STARD3NL: variants seen among roughly 807,000 people sequenced by gnomAD.
The protein encoded by STARD3NL is STARD3 N-terminal-like protein.
STARD3NL carries 17 observed loss-of-function variants against 30.9 expected under a neutral mutation model. The ratio of observed to expected loss-of-function variants is 0.55; its 90% CI spans 0.38 to 0.82. STARD3NL has a LOEUF of 0.82. Ranked by LOEUF, STARD3NL falls within the 40% of genes least tolerant of loss-of-function variation. STARD3NL has a pLI of 0.00. For synonymous variants in STARD3NL, 112 were observed against 100.5 expected (o/e 1.11, Z -0.69); for missense variants, 234 against 277.6 (o/e 0.84, Z 1.12).
chr7:38,228,608 T>C (rs1437011793), intron 7 of STARD3NL, among the ~76,000 whole-genome samples, 191 bp from the exon 8 acceptor site: 1 of 152,238 alleles, frequency 6.6e-6, no homozygotes, highest in Non-Finnish European at 1.5e-5. Flanking sequence ...TAGATTATTG[T>C]TTAAAGGTTT....
chr7:38,218,736 A>G (rs1735662407), intron 6 of STARD3NL, among the ~76,000 whole-genome samples: 1 of 152,228 alleles, frequency 6.6e-6, no homozygotes, highest in African/African-American at 2.4e-5. Flanking sequence ...AGTCAAAAGA[A>G]CTTAAGTGTT....
At chr7:38,216,946 C>T (rs1371393459) in intron 4 of STARD3NL, 79 bp from the exon 5 acceptor site, 47 of 1,542,734 alleles carry the variant, frequency 3.0e-5, no homozygotes, top group Non-Finnish European at 3.7e-5. Context: ...CTGGCTCAGA[C>T]GGGTCTCTTG....
In STARD3NL at chr7:38,189,203, G is replaced by A. The variant is rs1025715667; in HGVS notation, c.-59+10783G>A. Among the ~76,000 whole-genome samples, 13 of 152,126 alleles carry A rather than the reference G, an allele frequency of 8.5e-5. 1 individual carries two copies. In the East Asian group the frequency reaches 1.5e-3, roughly 18 times the overall value. ...GAAGATTTATTAAGATGGAATGAAAGCATTAATTACATCCCAAATGAATAT... is the reference window on the plus strand; with the variant it reads ...GAAGATTTATTAAGATGGAATGAAAACATTAATTACATCCCAAATGAATAT... On this transcript the variant is annotated intron_variant, in intron 1 of 8. Coordinates refer to ENST00000009041, the MANE Select transcript of STARD3NL (RefSeq NM_032016.4).
chr7:38,193,415 C>CA (rs1288507380), intron 1 of STARD3NL, among the ~76,000 whole-genome samples: 4 of 152,168 alleles, frequency 2.6e-5, no homozygotes, highest in African/African-American at 9.7e-5. Flanking sequence ...CCTCCTGCCT[C>CA]AGACTCCCGA....
intron 1 of STARD3NL, among the ~76,000 whole-genome samples, chr7:38,189,420 A>G (rs2115987663): frequency 6.6e-6 from 1 of 152,300 alleles, no homozygotes; most frequent in South Asian, 2.1e-4. Context: ...TAAATAACAC[A>G]TGGTGTGTCT....
At chr7:38,200,618 C>T (rs1366267606) in intron 1 of STARD3NL, among the ~76,000 whole-genome samples, 1 of 152,116 alleles carries the variant, frequency 6.6e-6, no homozygotes, top group Non-Finnish European at 1.5e-5. Context: ...TCCTACAGAG[C>T]ATAAATTAGC....
intron 1 of STARD3NL, among the ~76,000 whole-genome samples, chr7:38,189,884 G>A (rs979037188): frequency 3.3e-5 from 5 of 152,090 alleles, no homozygotes; most frequent in South Asian, 4.2e-4. Context: ...ACAAAGGTAC[G>A]TGTACAAAAT....
chr7:38,214,468 T>C (rs757519532), intron 3 of STARD3NL, 34 bp downstream of exon 3: 3 of 1,410,938 alleles, frequency 2.1e-6, no homozygotes, highest in Admixed American at 1.8e-5. Flanking sequence ...TCAGATGTGA[T>C]AAAACTGACC....
At chr7:38,221,189 A>G (rs1786441153) in intron 7 of STARD3NL, among the ~76,000 whole-genome samples, 1 of 152,198 alleles carries the variant, frequency 6.6e-6, no homozygotes, top group African/African-American at 2.4e-5. Context: ...GGTAAATTTT[A>G]TGTTAAATAT....
intron 3 of STARD3NL, 40 bp from the exon 4 acceptor site, chr7:38,214,986 GTA>G (rs1786015986): frequency 6.4e-7 from 1 of 1,553,804 alleles, no homozygotes; most frequent in African/African-American, 1.4e-5. Context: ...TGTCATTTTT[GTA>G]TATATTTTTT....
At chr7:38,223,618 C>T (rs924121299) in intron 7 of STARD3NL, among the ~76,000 whole-genome samples, 2 of 152,104 alleles carry the variant, frequency 1.3e-5, no homozygotes, top group Admixed American at 1.3e-4. Context: ...CTGGTTGCCC[C>T]ATATAGTTAT....
intron 2 of STARD3NL, 66 bp from the exon 3 acceptor site, chr7:38,214,291 A>ATCTTACCTTG: frequency 9.4e-7 from 1 of 1,064,490 alleles, no homozygotes; most frequent in Non-Finnish European, 1.4e-6. Flanking sequence ...TGGATAGGAA[A>ATCTTACCTTG]TCTTACCTTG....
At chr7:38,218,330 A>G (rs780650528) in intron 6 of STARD3NL, among the ~76,000 whole-genome samples, 1 of 152,246 alleles carries the variant, frequency 6.6e-6, no homozygotes, top group Non-Finnish European at 1.5e-5. Context: ...TCTCATTTAC[A>G]TAGAAGAAAT....
At chr7:38,218,969 G>A (rs1377176225) in intron 6 of STARD3NL, among the ~76,000 whole-genome samples, 3 of 152,154 alleles carry the variant, frequency 2.0e-5, no homozygotes, top group Non-Finnish European at 4.4e-5. Flanking sequence ...TGTAGGAACT[G>A]ACCATGTTTT....
At chr7:38,196,489 A>G (rs1784902473) in intron 1 of STARD3NL, among the ~76,000 whole-genome samples, 1 of 151,936 alleles carries the variant, frequency 6.6e-6, no homozygotes, top group African/African-American at 2.4e-5. Flanking sequence ...ATTATTCCCC[A>G]TTGTAGACCT....
At chr7:38,219,783 G>C in intron 7 of STARD3NL, 123 bp downstream of exon 7, 1 of 740,858 alleles carries the variant, frequency 1.3e-6, no homozygotes, top group South Asian at 1.7e-5. Flanking sequence ...CAGGCATTAG[G>C]GATATGAAAA....
intron 1 of STARD3NL, among the ~76,000 whole-genome samples, chr7:38,197,030 C>T (rs1784927610): frequency 6.6e-6 from 1 of 152,174 alleles, no homozygotes; most frequent in African/African-American, 2.4e-5. Context: ...TGAAGCTTCT[C>T]AGACTCAGGA....
chr7:38,185,543 C>G (rs1784423056), intron 1 of STARD3NL, among the ~76,000 whole-genome samples: 1 of 152,180 alleles, frequency 6.6e-6, no homozygotes, highest in African/African-American at 2.4e-5. Flanking sequence ...CCTAGCATTG[C>G]TGTTAGTGTG....
At chr7:38,222,231 A>C (rs1786512445) in intron 7 of STARD3NL, among the ~76,000 whole-genome samples, 1 of 152,002 alleles carries the variant, frequency 6.6e-6, no homozygotes, top group African/African-American at 2.4e-5. Context: ...GAATGATTGA[A>C]GATTACAGCC....
Sources: allele counts gnomAD v4.1 joint callset (sites outside exome capture counted in the v4.1 genomes callset), GRCh38; gene constraint gnomAD v4.1.1; transcripts MANE v1.5; gene names NCBI Gene and HGNC (gene_info 2026-07-23, HGNC 2026-07-21).